The following ZNF33B variants were observed in gnomAD, a reference collection of about 807,000 sequenced individuals.
The protein encoded by ZNF33B is zinc finger protein 11b (KOX 2).
A neutral mutation model predicts 45.8 loss-of-function variants in ZNF33B; 29 were observed. That is an observed-to-expected ratio of 0.63 (90% confidence interval 0.47 to 0.86). The LOEUF (loss-of-function observed/expected upper bound fraction) is 0.86. Ranked by LOEUF, ZNF33B falls within the 40% of genes least tolerant of loss-of-function variation. The pLI is 0.00. For missense variants in ZNF33B, 831 were observed against 909.9 expected (o/e 0.91, Z 1.12); for synonymous variants, 305 against 307.8 (o/e 0.99, Z 0.10).
intron 2 of ZNF33B, among the ~76,000 whole-genome samples, chr10:42,634,108 A>G (rs1785846629): frequency 6.6e-6 from 1 of 152,154 alleles, no homozygotes; most frequent in Admixed American, 6.5e-5. Context: ...GAAAATAATC[A>G]AGAATGGAAT....
chr10:42,629,413 A>T (rs1040740176), intron 4 of ZNF33B, among the ~76,000 whole-genome samples: 1 of 152,218 alleles, frequency 6.6e-6, no homozygotes, highest in African/African-American at 2.4e-5. Context: ...AGTCAAAAAT[A>T]ATTTAATTGT....
chr10:42,587,152 C>A (rs532733435), downstream of ZNF33B, among the ~76,000 whole-genome samples: 7 of 152,228 alleles, frequency 4.6e-5, no homozygotes, highest in South Asian at 8.3e-4. Context: ...AAAGGCCAAA[C>A]CTTTGCAAGC....
intron 4 of ZNF33B, among the ~76,000 whole-genome samples, chr10:42,630,938 C>T (rs1419392373): frequency 2.0e-5 from 3 of 152,238 alleles, no homozygotes; most frequent in South Asian, 2.1e-4. Context: ...TTGGTCATTC[C>T]TGAAAACCAC....
chr10:42,581,700 G>A (rs1836828183), intron 1 of ZNF33B: 1 of 152,132 alleles, frequency 6.6e-6, no homozygotes, highest in African/African-American at 2.4e-5. Context: ...GAGAATAGAT[G>A]AAACAGTTTT....
At chr10:42,637,015 T>G in intron 1 of ZNF33B, 43 bp from the exon 2 acceptor site, 1 of 1,600,966 alleles carries the variant, frequency 6.2e-7, no homozygotes, top group Non-Finnish European at 8.5e-7. Context: ...AGATTTGGCC[T>G]GCCTGGCAAC....
intron 2 of ZNF33B, among the ~76,000 whole-genome samples, chr10:42,636,674 G>T (rs1223182969): frequency 6.6e-6 from 1 of 152,124 alleles, no homozygotes; most frequent in Non-Finnish European, 1.5e-5. Flanking sequence ...CAAAAAATTA[G>T]CCAGGCGTGG....
chr10:42,602,444 GGTTA>G (rs1695841061), intron 4 of ZNF33B, among the ~76,000 whole-genome samples: 1 of 151,848 alleles, frequency 6.6e-6, no homozygotes, highest in South Asian at 2.1e-4. Flanking sequence ...TCAATTTCCT[GGTTA>G]GTCTCTTTGA....
Position 42,575,803 on chromosome 10 carries a change from T to C in ZNF33B, c.74-1125A>G, listed in dbSNP as rs1836740947. On this transcript the variant is annotated intron_variant, in intron 1 of 1. Transcript: ENST00000462075. ...TGGAGTGCACTAGAGCAATCTCAGCTCACCACGACATCTGCTTCAGGGCTC... is the reference window on the plus strand; with the variant it reads ...TGGAGTGCACTAGAGCAATCTCAGCCCACCACGACATCTGCTTCAGGGCTC... Among the ~76,000 whole-genome samples the C allele has an allele frequency of 2.7e-5, 4 of 150,906 alleles. No individual in the cohort carries two copies. The Admixed American group carries it at 2.7e-4, about 10-fold the overall frequency.
chr10:42,623,236 T>C (rs144199097), intron 4 of ZNF33B, among the ~76,000 whole-genome samples: 2,589 of 152,356 alleles, frequency 0.017, 79 homozygotes, highest in African/African-American at 0.059. Context: ...CACTGCACTC[T>C]GGCCTGGGTG....
chr10:42,612,905 A>C (rs1208010791), intron 4 of ZNF33B, among the ~76,000 whole-genome samples: 1 of 152,144 alleles, frequency 6.6e-6, no homozygotes, highest in African/African-American at 2.4e-5. Context: ...GGTCCATTTG[A>C]ATGGTTTATT....
chr10:42,604,262 T>C (rs1488823660), intron 4 of ZNF33B, among the ~76,000 whole-genome samples: 2 of 151,928 alleles, frequency 1.3e-5, no homozygotes, highest in East Asian at 2.0e-4. Context: ...CTGGCCAACA[T>C]GGTAAAACCC....
At chr10:42,618,324 C>T (rs576394892) in intron 4 of ZNF33B, among the ~76,000 whole-genome samples, 3 of 152,302 alleles carry the variant, frequency 2.0e-5, no homozygotes, top group Admixed American at 6.5e-5. Flanking sequence ...TATGGACACA[C>T]TACACATTAT....
Position 42,593,853 on chromosome 10 carries a change from A to G in ZNF33B, c.1097T>C (p.Phe366Ser), listed in dbSNP as rs377537182. 3 of 1,614,082 alleles carry G rather than the reference A, an allele frequency of 1.9e-6. No homozygotes were observed. The highest frequency in any genetic ancestry group is 2.5e-6 in the Non-Finnish European group (3 of 1,179,984). ...TTTAGTGAGGTTTGACTTCTCCCAG[A>G]AAGTTTTTCCACATTGATTACATTG... ...HFQCNQCGKT[F>S]WEKSNLTKHQ... Residue 366 changes from phenylalanine to serine, a missense_variant, in exon 5 of 5, where the codon TTC becomes TCC. Phe to Ser is a radical substitution (Grantham distance 155, BLOSUM62 -2). Transcript: ENST00000359467.
At chr10:42,584,574 G>T (rs1402701030), downstream of ZNF33B, among the ~76,000 whole-genome samples, 2 of 151,730 alleles carry the variant, frequency 1.3e-5, no homozygotes, top group Non-Finnish European at 2.9e-5. Context: ...AGGCTGGAGT[G>T]CAATGGCACC....
At chr10:42,630,554 TC>T (rs1194285769) in intron 4 of ZNF33B, among the ~76,000 whole-genome samples, 1 of 152,196 alleles carries the variant, frequency 6.6e-6, no homozygotes, top group Non-Finnish European at 1.5e-5. Flanking sequence ...CTCCTTCACT[TC>T]CTTCTGATGT....
intron 4 of ZNF33B, among the ~76,000 whole-genome samples, chr10:42,624,026 T>G (rs1838698577): frequency 6.6e-6 from 1 of 152,248 alleles, no homozygotes; most frequent in African/African-American, 2.4e-5. Context: ...GCTGGAAGTC[T>G]GAGATCAGGA....
chr10:42,576,743 A>C (rs1263539579), intron 1 of ZNF33B, among the ~76,000 whole-genome samples: 1 of 152,230 alleles, frequency 6.6e-6, no homozygotes, highest in Non-Finnish European at 1.5e-5. Flanking sequence ...CCTCAAATTC[A>C]TAAGAATGGT....
At chr10:42,607,083 T>C (rs1837892615) in intron 4 of ZNF33B, among the ~76,000 whole-genome samples, 1 of 152,134 alleles carries the variant, frequency 6.6e-6, no homozygotes, top group African/African-American at 2.4e-5. Context: ...TATAACAATG[T>C]ATTGTTGGGT....
At chr10:42,575,594 C>T (rs186585571) in intron 1 of ZNF33B, among the ~76,000 whole-genome samples, 7 of 151,902 alleles carry the variant, frequency 4.6e-5, no homozygotes, top group Non-Finnish European at 1.0e-4. Flanking sequence ...AATATTTCCA[C>T]AATTATGATG....
Sources: allele counts gnomAD v4.1 joint callset (sites outside exome capture counted in the v4.1 genomes callset), GRCh38; gene constraint gnomAD v4.1.1; transcripts MANE v1.5; gene names NCBI Gene and HGNC (gene_info 2026-07-23, HGNC 2026-07-21).